WDR64: variants seen among roughly 807,000 people sequenced by gnomAD.
WDR64 encodes WD repeat-containing protein 64.
In WDR64, 112 loss-of-function variants were observed where a neutral mutation model predicts 139.3. That is an observed-to-expected ratio of 0.80 (90% CI 0.69 to 0.94). WDR64 has a LOEUF of 0.94. WDR64 is among the 40% of genes least tolerant of loss of function. The probability of loss-of-function intolerance (pLI) is 0.00; values close to 1 mark genes in which losing one functional copy is unlikely to be tolerated. For missense variants in WDR64, 1,206 were observed against 1,293.1 expected, an observed-to-expected ratio of 0.93 and a Z score of 1.03; for synonymous variants, 444 against 437.7, an observed-to-expected ratio of 1.01 and a Z score of -0.18.
chr1:241,787,827 CCCTTCCTTTTCCTT>C lies in WDR64; in HGVS notation c.2706-19_2706-6del. 1.9e-6 allele frequency: 3 copies of C among 1,546,286 alleles called. No individual in the cohort carries two copies. The highest frequency in any genetic ancestry group is 2.6e-6 in the Non-Finnish European group (3 of 1,151,864). On this transcript the variant is annotated splice_polypyrimidine_tract_variant and splice_region_variant and intron_variant, in intron 23 of 27. Transcript: ENST00000437684. ...CCAAATTTTCCAGTTACTTTTTCCTCCCTTCCTTTTCCTTCCCTCAGGCTCTGGCATGCCCTCAA... is the reference window on the plus strand; with the variant it reads ...CCAAATTTTCCAGTTACTTTTTCCTCCCCTCAGGCTCTGGCATGCCCTCAA...
intron 8 of WDR64, among the ~76,000 whole-genome samples, chr1:241,691,374 T>C (rs1176015045): frequency 6.6e-6 from 1 of 152,168 alleles, no homozygotes; most frequent in Non-Finnish European, 1.5e-5. Context: ...ACAGAGATTG[T>C]CAGAGTGATC....
At chr1:241,727,244 T>A (rs1389459844) in intron 10 of WDR64, among the ~76,000 whole-genome samples, 3 of 152,290 alleles carry the variant, frequency 2.0e-5, no homozygotes. Flanking sequence ...TTTGAGACAC[T>A]AAAACTAAAA....
chr1:241,674,595 T>C (rs1666392681), intron 3 of WDR64, 49 bp from the exon 4 acceptor site: 2 of 1,259,350 alleles, frequency 1.6e-6, no homozygotes, highest in Non-Finnish European at 2.2e-6. Flanking sequence ...CAAATGAGTT[T>C]CAGCACCTTT....
intron 13 of WDR64, among the ~76,000 whole-genome samples, chr1:241,748,109 G>A (rs569512261): frequency 2.6e-5 from 4 of 152,276 alleles, no homozygotes; most frequent in South Asian, 2.1e-4. Context: ...ACCAGCATCC[G>A]TCTTACCGAC....
intron 2 of WDR64, among the ~76,000 whole-genome samples, chr1:241,662,390 C>A (rs997195499): frequency 2.0e-5 from 3 of 152,094 alleles, no homozygotes; most frequent in Non-Finnish European, 4.4e-5. Context: ...CAATGCCTTG[C>A]CGTTGTAAGT....
intron 13 of WDR64, among the ~76,000 whole-genome samples, chr1:241,749,265 C>G (rs1331945963): frequency 6.6e-6 from 1 of 152,160 alleles, no homozygotes; most frequent in African/African-American, 2.4e-5. Context: ...AGAAGAGACT[C>G]ACTTTAGAGC....
intron 10 of WDR64, among the ~76,000 whole-genome samples, chr1:241,736,415 T>TTAAA (rs553058213): frequency 7.4e-6 from 1 of 134,656 alleles, no homozygotes; most frequent in African/African-American, 2.8e-5. Context: ...TGGAAGAGTT[T>TTAAA]AAAAAAAAAA....
chr1:241,729,107 C>G (rs1668974370), intron 10 of WDR64, among the ~76,000 whole-genome samples: 1 of 152,178 alleles, frequency 6.6e-6, no homozygotes, highest in South Asian at 2.1e-4. Context: ...ATTTGTTTCC[C>G]AGAGAGCCAT....
At chr1:241,696,114 A>AAAAAAAAAAAAAAAAAAC (rs1667474789) in intron 8 of WDR64, among the ~76,000 whole-genome samples, 1 of 59,616 alleles carries the variant, frequency 1.7e-5, no homozygotes, top group African/African-American at 7.8e-5. Flanking sequence ...ACCCAGTATC[A>AAAAAAAAAAAAAAAAAAC]AAAAAAAAAA....
rs753043857 is a variant in WDR64, at chr1:241,757,297, T to TA, written c.1786dup (p.Ile596AsnfsTer11). On this transcript the variant is annotated frameshift_variant, in exon 15 of 28. Transcript: ENST00000437684. LOFTEE classifies it high-confidence loss of function. ...TTCTGTTAAAGGGTAAGGAAGATGA[T>TA]ATCTACCTCATGGTGATCTGGGAGC... is the stretch of plus-strand genomic sequence containing the variant. 1.2e-6 allele frequency: 2 copies of TA among 1,613,386 alleles called. No homozygotes were observed. Among genetic ancestry groups the TA allele is most frequent in the East Asian group, 4.5e-5 (2 of 44,856 alleles).
At chr1:241,717,534 C>G (rs899583808) in intron 9 of WDR64, among the ~76,000 whole-genome samples, 1 of 151,742 alleles carries the variant, frequency 6.6e-6, no homozygotes, top group Non-Finnish European at 1.5e-5. Flanking sequence ...ACTCACCCAA[C>G]TGAGAGAAGA....
intron 14 of WDR64, among the ~76,000 whole-genome samples, chr1:241,752,134 T>C (rs1406710463): frequency 1.3e-5 from 2 of 152,170 alleles, no homozygotes. Context: ...TTAAAGTAAA[T>C]GATCTTTCTT....
chr1:241,777,869 T>C (rs1486857670), intron 21 of WDR64, among the ~76,000 whole-genome samples: 1 of 152,220 alleles, frequency 6.6e-6, no homozygotes. Flanking sequence ...TCCATTGTGG[T>C]CTGAAAACAT....
rs541301982 is a variant in WDR64 at position 241,696,113 on chromosome 1, C to CAAAAAA, written c.974+8541_974+8546dup. Among the ~76,000 whole-genome samples the CAAAAAA allele has an allele frequency of 3.3e-3, 74 of 22,318 alleles. 18 individuals are homozygous for CAAAAAA. Among genetic ancestry groups the CAAAAAA allele is most frequent in the African/African-American group, 6.0e-3 (43 of 7,168 alleles). The allele number at this position is 22,318 out of a possible 152,430, so 14.6% of individuals were successfully genotyped here. On this transcript the variant is annotated intron_variant, in intron 8 of 27. Coordinates refer to ENST00000437684, the MANE Select transcript of WDR64 (RefSeq NM_001367482.1). ...TGTGGAATGGAATGAGACCCAGTAT[C>CAAAAAA]AAAAAAAAAAAAAAAAAAAAAAAAA...
At chr1:241,672,599 G>A (rs1388866202) in intron 3 of WDR64, among the ~76,000 whole-genome samples, 2 of 152,188 alleles carry the variant, frequency 1.3e-5, no homozygotes, top group Non-Finnish European at 2.9e-5. Flanking sequence ...AATAGGGAGA[G>A]GCAGACAATA....
At chr1:241,680,334 T>C (rs755434145) in intron 6 of WDR64, among the ~76,000 whole-genome samples, 19 of 152,212 alleles carry the variant, frequency 1.2e-4, no homozygotes, top group Non-Finnish European at 2.2e-4. Flanking sequence ...TCTTTTGCTA[T>C]TTGTTCATAA....
chr1:241,666,611 T>C (rs1666034592), intron 2 of WDR64, among the ~76,000 whole-genome samples: 1 of 152,214 alleles, frequency 6.6e-6, no homozygotes. Flanking sequence ...GTAACAAAAA[T>C]GCTTAGTGCA....
rs546659949 is a variant in WDR64 at position 241,703,338 on chromosome 1, C to T, written c.975-8464C>T. Among the ~76,000 whole-genome samples, 73 of 152,238 alleles carry T rather than the reference C, an allele frequency of 4.8e-4. No homozygotes were observed. Among genetic ancestry groups the T allele is most frequent in the African/African-American group, 1.8e-3 (73 of 41,546 alleles). ...AAAAAGTCACCCCTTTACCTTCTAC[C>T]TGATGACTCTGCTTCTCTCCCTGCA... On this transcript the variant is annotated intron_variant, in intron 8 of 27. Coordinates refer to ENST00000437684, the MANE Select transcript of WDR64 (RefSeq NM_001367482.1). The surrounding 1 kb of genome is among the most constrained non-coding windows in gnomAD (Gnocchi z 5.9).
intron 14 of WDR64, among the ~76,000 whole-genome samples, chr1:241,754,175 A>G (rs1179834312): frequency 1.3e-5 from 2 of 152,164 alleles, no homozygotes. Context: ...AATTTAACTA[A>G]TATGTTTAAA....
Sources: allele counts gnomAD v4.1 joint callset (sites outside exome capture counted in the v4.1 genomes callset), GRCh38; gene constraint gnomAD v4.1.1; non-coding constraint Gnocchi (gnomAD v3.1); transcripts MANE v1.5; gene names NCBI Gene and HGNC (gene_info 2026-07-23, HGNC 2026-07-21).